TIPIN: variants seen among roughly 807,000 people sequenced by gnomAD.
TIPIN encodes the protein TIMELESS interacting protein, also known as TIMELESS-interacting protein.
A neutral mutation model predicts 35.6 loss-of-function variants in TIPIN; 29 were observed. The observed-to-expected ratio is 0.82, with a 90% CI of 0.61 to 1.11. The LOEUF (loss-of-function observed/expected upper bound fraction) is 1.11, where lower values mean the gene tolerates loss of function less well. Among genes scored for constraint, TIPIN ranks in the 50% most tolerant of loss-of-function variants. TIPIN has a pLI of 0.00. For synonymous variants in TIPIN, 102 were observed against 121.5 expected (o/e 0.84, Z 1.06); for missense variants, 296 against 345.4 (o/e 0.86, Z 1.13).
chr15:66,343,004 T>C (rs2093099206), intron 6 of TIPIN, among the ~76,000 whole-genome samples: 1 of 152,228 alleles, frequency 6.6e-6, no homozygotes, highest in Non-Finnish European at 1.5e-5. Flanking sequence ...AGTTACTGTC[T>C]GATCTGTGAG....
At chr15:66,371,206 CA>C (rs200596294) in intron 1 of TIPIN, 57,460 of 819,570 alleles carry the variant, frequency 0.07, 1,217 homozygotes, top group African/African-American at 0.27. Flanking sequence ...GGGAAACTCT[CA>C]AAAAAAAAAA....
intron 1 of TIPIN, chr15:66,371,224 G>A: frequency 1.0e-6 from 1 of 969,732 alleles, no homozygotes. Context: ...AAAAAAAAGT[G>A]TAAGTGTATC....
At chr15:66,340,553 G>C (rs2093079186) in intron 7 of TIPIN, among the ~76,000 whole-genome samples, 1 of 151,910 alleles carries the variant, frequency 6.6e-6, no homozygotes, top group Non-Finnish European at 1.5e-5. Flanking sequence ...AGGAGTCAGG[G>C]AAGAATGTTT....
chr15:66,369,353 C>CTT (rs59189335), intron 1 of TIPIN, among the ~76,000 whole-genome samples: 60,821 of 118,442 alleles, frequency 0.51, 18,001 homozygotes, highest in Non-Finnish European at 0.56. Context: ...TTCACAATAT[C>CTT]TTTTTTTTTT....
upstream of TIPIN, among the ~76,000 whole-genome samples, chr15:66,359,349 G>A (rs570414335): frequency 1.3e-5 from 2 of 151,464 alleles, no homozygotes; most frequent in African/African-American, 4.8e-5. Context: ...CATAAATTTA[G>A]TTTTTTTTGT....
At chr15:66,354,199 C>A (rs868592940) in intron 1 of TIPIN, among the ~76,000 whole-genome samples, 1 of 152,166 alleles carries the variant, frequency 6.6e-6, no homozygotes, top group Non-Finnish European at 1.5e-5. Context: ...TACCCTAGGC[C>A]TTGACTCTGC....
chr15:66,356,667 G>A lies in TIPIN; in HGVS notation c.-37C>T. The A allele has an allele frequency of 2.0e-6, 2 of 985,680 alleles. No individual in the cohort carries two copies. The highest frequency in any genetic ancestry group is 2.4e-6 in the Non-Finnish European group (2 of 830,120). The allele number at this position is 985,680 out of a possible 1,614,324, so 61.1% of individuals were successfully genotyped here. On this transcript the variant is annotated 5_prime_UTR_variant, in exon 1 of 8. Transcript: ENST00000261881. Reference sequence around the variant, plus strand: ...ACGCAGAAAACACGGGACACAGCGCGGACCTCGGCGTGCAGACTAAGCGCG... The same window carrying A: ...ACGCAGAAAACACGGGACACAGCGCAGACCTCGGCGTGCAGACTAAGCGCG...
At chr15:66,342,848 A>T (rs1323640213) in intron 6 of TIPIN, among the ~76,000 whole-genome samples, 1 of 152,230 alleles carries the variant, frequency 6.6e-6, no homozygotes, top group Non-Finnish European at 1.5e-5. Flanking sequence ...TCAAGGTAGG[A>T]TGTCCCCAAC....
chr15:66,353,399 C>G (rs918488008), intron 1 of TIPIN, among the ~76,000 whole-genome samples: 8 of 151,900 alleles, frequency 5.3e-5, no homozygotes, highest in African/African-American at 1.9e-4. Flanking sequence ...GGGCGGATCA[C>G]GAGGTCAGGA....
intron 1 of TIPIN, among the ~76,000 whole-genome samples, chr15:66,365,301 T>G (rs2093249399): frequency 6.6e-6 from 1 of 151,152 alleles, no homozygotes. Context: ...ACATAATACA[T>G]AATACATTCT....
Position 66,341,134 on chromosome 15 carries a change from T to A in TIPIN, c.682+16A>T. ...ATATATTAATGGTAGCATATAAAAT[T>A]TGGCATAAAATTTACCATTTCCTAG... On this transcript the variant is annotated intron_variant, in intron 7 of 7. Coordinates refer to ENST00000261881, the MANE Select transcript of TIPIN (RefSeq NM_017858.3). 1 of 1,605,764 alleles carries A rather than the reference T, an allele frequency of 6.2e-7. No individual in the cohort carries two copies.
intron 1 of TIPIN, among the ~76,000 whole-genome samples, chr15:66,369,154 C>T (rs1036334800): frequency 6.6e-6 from 1 of 151,956 alleles, no homozygotes; most frequent in African/African-American, 2.4e-5. Context: ...TAGAGGGGAG[C>T]AAGGATAAAT....
intron 6 of TIPIN, among the ~76,000 whole-genome samples, chr15:66,348,808 A>G (rs1657778020): frequency 1.3e-5 from 2 of 151,162 alleles, no homozygotes; most frequent in Admixed American, 6.6e-5. Context: ...AGCCAGGCAC[A>G]ATGGCATGCA....
chr15:66,364,097 A>G lies in TIPIN; in HGVS notation c.-8-11142T>C, dbSNP rs554936627. On this transcript the variant is annotated intron_variant, in intron 1 of 7. Transcript: ENST00000562124. Reference sequence around the variant, plus strand: ...GCACTAGGGATTACAATTCAACATGAGATCTCGGCAGGGACAAATATCCAA... The same window carrying G: ...GCACTAGGGATTACAATTCAACATGGGATCTCGGCAGGGACAAATATCCAA... Among the ~76,000 whole-genome samples the G allele has an allele frequency of 6.6e-5, 10 of 151,544 alleles. No homozygotes were observed. The South Asian group carries it at 1.9e-3, about 28-fold the overall frequency.
chr15:66,352,777 G>T, intron 2 of TIPIN, 38 bp downstream of exon 2: 1 of 1,563,994 alleles, frequency 6.4e-7, no homozygotes, highest in Non-Finnish European at 8.7e-7. Context: ...CACCGTGCCT[G>T]GCCTCACAGC....
rs930826016 is a variant in TIPIN, at chr15:66,366,821, C to T, written c.-8-13866G>A. On this transcript the variant is annotated intron_variant, in intron 1 of 7. Transcript: ENST00000562124. ...AAAAAAAGAAAAAGAAAAGAAATTC[C>T]AAGGAAGCAGTGGACTATGTGTGTC... 6.1e-6 allele frequency: 6 copies of T among 981,908 alleles called. No individual in the cohort carries two copies. The African/African-American group carries it at 1.1e-4, about 17-fold the overall frequency. The allele number at this position is 981,908 out of a possible 1,614,324, so 60.8% of individuals were successfully genotyped here.
chr15:66,367,964 G>A (rs548776691), intron 1 of TIPIN, among the ~76,000 whole-genome samples: 3 of 151,226 alleles, frequency 2.0e-5, no homozygotes, highest in African/African-American at 7.3e-5. Context: ...CTCCTGAGTA[G>A]CTGGGACTAC....
upstream of TIPIN, among the ~76,000 whole-genome samples, chr15:66,360,064 C>T (rs939108584): frequency 1.3e-5 from 2 of 151,968 alleles, no homozygotes; most frequent in African/African-American, 2.4e-5. Flanking sequence ...TGAGTCACCC[C>T]GTCTAACCCA....
At chr15:66,369,351 A>ATT (rs1178740176) in intron 1 of TIPIN, among the ~76,000 whole-genome samples, 12 of 83,742 alleles carry the variant, frequency 1.4e-4, no homozygotes, top group Admixed American at 5.4e-4. Flanking sequence ...AGTTCACAAT[A>ATT]TCTTTTTTTT....
Sources: allele counts gnomAD v4.1 joint callset (sites outside exome capture counted in the v4.1 genomes callset), GRCh38; gene constraint gnomAD v4.1.1; transcripts MANE v1.5; gene names NCBI Gene and HGNC (gene_info 2026-07-23, HGNC 2026-07-21).